The following BRIP1 variants were observed in gnomAD, a reference collection of about 807,000 sequenced individuals.
The protein encoded by BRIP1 is BRCA1 interacting DNA helicase 1, also known as Fanconi anemia group J protein.
Under a neutral mutation model 119.7 loss-of-function variants are expected in BRIP1, and 88 were observed. That is an observed-to-expected ratio of 0.74 (90% CI 0.62 to 0.88). BRIP1 has a LOEUF of 0.88. Among genes scored for constraint, BRIP1 ranks in the 40% least tolerant of loss-of-function variants. BRIP1 has a pLI of 0.00. For synonymous variants in BRIP1, 443 were observed against 496.5 expected, an observed-to-expected ratio of 0.89 and a Z score of 1.43; for missense variants, 1,259 against 1,455.4, an observed-to-expected ratio of 0.87 and a Z score of 2.20.
In BRIP1 at chr17:61,845,537, C is replaced by T. The variant is rs2145727590; in HGVS notation, c.627+1564G>A. 6.6e-6 allele frequency among the ~76,000 whole-genome samples: 1 copy of T among 152,300 alleles called. No individual in the cohort carries two copies. Among genetic ancestry groups the T allele is most frequent in the Admixed American group, 6.5e-5 (1 of 15,302 alleles). ...AGAAAAGTCTGTAGTTATCACAAAG[C>T]TGCCAAGCTCAGAGTATATACAAAT... On this transcript the variant is annotated intron_variant, in intron 6 of 19. Transcript: ENST00000259008. This position sits in a 1 kb window ranked among gnomAD's most constrained non-coding sequence, Gnocchi z 4.2.
At position 61,743,207 on chromosome 17, in the gene BRIP1, T is replaced by C. The variant is rs2144682727; in HGVS notation, c.2258-73A>G. The stretch of plus-strand genomic sequence containing the variant: ...TTCTTGTCATTTTGAAAATACCTGA[T>C]TTATAATTATAGTAATTACAGTAGC... On this transcript the variant is annotated intron_variant, in intron 15 of 19. Transcript: ENST00000259008. This position sits in a 1 kb window ranked among gnomAD's most constrained non-coding sequence, Gnocchi z 4.3. The C allele has an allele frequency of 6.6e-7, 1 of 1,514,012 alleles. No homozygotes were observed. Among genetic ancestry groups the C allele is most frequent in the Non-Finnish European group, 9.1e-7 (1 of 1,094,388 alleles). The allele number at this position is 1,514,012 out of a possible 1,614,324, so 93.8% of individuals were successfully genotyped here.
rs2076918858 is a variant in BRIP1 at position 61,736,370 on chromosome 17, G to A, written c.2379+6643C>T. Among the ~76,000 whole-genome samples, 1 of 151,732 alleles carries A rather than the reference G, an allele frequency of 6.6e-6. No homozygotes were observed. The highest frequency in any genetic ancestry group is 2.1e-4 in the South Asian group (1 of 4,788). ...ATTTAAATAAATAAATAATAAAAGA[G>A]GGATAGCTAATATAGTCAATATAAG... On this transcript the variant is annotated intron_variant, in intron 16 of 19. Coordinates refer to ENST00000259008, the MANE Select transcript of BRIP1 (RefSeq NM_032043.3). The surrounding 1 kb of genome is among the most constrained non-coding windows in gnomAD (Gnocchi z 4.4).
In BRIP1 at chr17:61,695,078, C is replaced by G. The variant is rs138519025; in HGVS notation, c.2493-1566G>C. On this transcript the variant is annotated intron_variant, in intron 17 of 19. Coordinates refer to ENST00000259008, the MANE Select transcript of BRIP1 (RefSeq NM_032043.3). The surrounding 1 kb of genome is among the most constrained non-coding windows in gnomAD (Gnocchi z 4.3). ...GTTGCTTGTGCTTCTGATAGCAGATCTAAGAAACTATTGCCTAATACAAGG... is the reference window on the plus strand; with the variant it reads ...GTTGCTTGTGCTTCTGATAGCAGATGTAAGAAACTATTGCCTAATACAAGG... Among the ~76,000 whole-genome samples the G allele has an allele frequency of 2.2e-3, 329 of 152,132 alleles. 1 individual carries two copies. Among genetic ancestry groups the G allele is most frequent in the African/African-American group, 7.3e-3 (303 of 41,542 alleles).
Position 61,780,929 on chromosome 17 carries a change from CATT to C in BRIP1, c.1702_1704del (p.Asn568del), listed in dbSNP as rs1555602554. 1 of 1,614,034 alleles carries C rather than the reference CATT, an allele frequency of 6.2e-7. No homozygotes were observed. Among genetic ancestry groups the C allele is most frequent in the Non-Finnish European group, 8.5e-7 (1 of 1,179,956 alleles). On this transcript the variant is annotated inframe_deletion, in exon 12 of 20. Transcript: ENST00000259008. The surrounding 1 kb of genome is among the most constrained non-coding windows in gnomAD (Gnocchi z 5.4). ...TTATTTTTTGGTAGAACCAACAACC[CATT>C]TTTGTCTGAAATATCAATCTGATTT...
rs1302459124 is a variant in BRIP1, at chr17:61,704,170, G to T, written c.2493-10658C>A. Among the ~76,000 whole-genome samples, 2 of 151,982 alleles carry T rather than the reference G, an allele frequency of 1.3e-5. No individual in the cohort carries two copies. Among genetic ancestry groups the T allele is most frequent in the African/African-American group, 2.4e-5 (1 of 41,388 alleles). ...CCCATTGTTTATTTTTGCTAATTTT[G>T]TCAAAGATCAGATGGTTGTAGGTGT... On this transcript the variant is annotated intron_variant, in intron 17 of 19. Coordinates refer to ENST00000259008, the MANE Select transcript of BRIP1 (RefSeq NM_032043.3). This position sits in a 1 kb window ranked among gnomAD's most constrained non-coding sequence, Gnocchi z 5.7.
At chr17:61,692,709 G>T (rs1446257070) in intron 18 of BRIP1, among the ~76,000 whole-genome samples, 2 of 152,050 alleles carry the variant, frequency 1.3e-5, no homozygotes, top group Non-Finnish European at 2.9e-5. Flanking sequence ...AAAAGAAAAA[G>T]AAGAAAAAAG....
rs758710086 is a variant in BRIP1 at position 61,808,807 on chromosome 17, AC to A, written c.628-51del. On this transcript the variant is annotated intron_variant, in intron 6 of 19. Transcript: ENST00000259008. This position sits in a 1 kb window ranked among gnomAD's most constrained non-coding sequence, Gnocchi z 4.1. ...ACTAATATCTAAACTACCATAAAAA[AC>A]GTTATCAAACCTCACATGGAATCAG... The A allele has an allele frequency of 7.7e-6, 12 of 1,553,864 alleles. No individual in the cohort carries two copies. In the Admixed American group the frequency reaches 1.5e-4, roughly 20 times the overall value.
At chr17:61,694,180 AT>A (rs1374811511) in intron 17 of BRIP1, among the ~76,000 whole-genome samples, 1 of 152,154 alleles carries the variant, frequency 6.6e-6, no homozygotes, top group African/African-American at 2.4e-5. Flanking sequence ...TATACCACTT[AT>A]CTATCCCAGA....
Position 61,700,410 on chromosome 17 carries a change from G to A in BRIP1, c.2493-6898C>T. Reference sequence around the variant, plus strand: ...CTACAGAGTAATTCTCTTGGTTTTTGTTTATTTGGGAATGTCTTAATTTTT... The same window carrying A: ...CTACAGAGTAATTCTCTTGGTTTTTATTTATTTGGGAATGTCTTAATTTTT... On this transcript the variant is annotated intron_variant, in intron 17 of 19. Coordinates refer to ENST00000259008, the MANE Select transcript of BRIP1 (RefSeq NM_032043.3). The surrounding 1 kb of genome is among the most constrained non-coding windows in gnomAD (Gnocchi z 4.1). Among the ~76,000 whole-genome samples, 1 of 152,020 alleles carries A rather than the reference G, an allele frequency of 6.6e-6. No homozygotes were observed. Among genetic ancestry groups the A allele is most frequent in the East Asian group, 1.9e-4 (1 of 5,182 alleles).
chr17:61,841,582 CAT>C lies in BRIP1; in HGVS notation c.627+5517_627+5518del, dbSNP rs1392858566. The stretch of plus-strand genomic sequence containing the variant: ...TTAGTGACGATGTGGAGAAGAAACT[CAT>C]ATACTATTAGTGGAAATGTAAATTA... On this transcript the variant is annotated intron_variant, in intron 6 of 19. Transcript: ENST00000259008. This position sits in a 1 kb window ranked among gnomAD's most constrained non-coding sequence, Gnocchi z 4.1. 6.6e-6 allele frequency among the ~76,000 whole-genome samples: 1 copy of C among 152,068 alleles called. No homozygotes were observed. Among genetic ancestry groups the C allele is most frequent in the Non-Finnish European group, 1.5e-5 (1 of 68,008 alleles).
rs34241703 is a variant in BRIP1 at position 61,759,888 on chromosome 17, G to GA, written c.2098-15298dup. Among the ~76,000 whole-genome samples the GA allele has an allele frequency of 8.2e-3, 1,148 of 139,310 alleles. 11 individuals carry two copies. Among genetic ancestry groups the GA allele is most frequent in the African/African-American group, 0.025 (924 of 37,284 alleles). The allele number at this position is 139,310 out of a possible 152,430, so 91.4% of individuals were successfully genotyped here. A position where few individuals can be genotyped will look rare whatever the true frequency, so the allele number is the denominator to read the frequency against. On this transcript the variant is annotated intron_variant, in intron 14 of 19. Transcript: ENST00000259008. This position sits in a 1 kb window ranked among gnomAD's most constrained non-coding sequence, Gnocchi z 4.9. ...GGGTTGCCACAAACCTTTAATTTAT[G>GA]AAAAAAAAAAAACCCAGAATATTTG...
chr17:61,862,088 A>T lies in BRIP1; in HGVS notation c.-30-519T>A, dbSNP rs1298328785. The T allele has an allele frequency of 6.2e-6, 1 of 161,492 alleles. No homozygotes were observed. The highest frequency in any genetic ancestry group is 2.4e-5 in the African/African-American group (1 of 41,490). The allele number at this position is 161,492 out of a possible 1,614,324, so 10.0% of individuals were successfully genotyped here. ...TAGAAGAAAAAAGCTGTTGACCAGA[A>T]GTCAGGAAGCATAGGTTCTATACCA... On this transcript the variant is annotated intron_variant, in intron 1 of 19. Transcript: ENST00000259008. The surrounding 1 kb of genome is among the most constrained non-coding windows in gnomAD (Gnocchi z 5.3).
In BRIP1 at chr17:61,774,828, G is replaced by T. The variant is rs780047258; in HGVS notation, c.2097+1573C>A. Reference sequence around the variant, plus strand: ...AGTTATTTCAATGTTATAGTCTCTAGTCACCCAATTATAAATGTCTGTAAC... The same window carrying T: ...AGTTATTTCAATGTTATAGTCTCTATTCACCCAATTATAAATGTCTGTAAC... On this transcript the variant is annotated intron_variant, in intron 14 of 19. Transcript: ENST00000259008. This position sits in a 1 kb window ranked among gnomAD's most constrained non-coding sequence, Gnocchi z 5.8. Among the ~76,000 whole-genome samples, 15 of 152,096 alleles carry T rather than the reference G, an allele frequency of 9.9e-5. No homozygotes were observed. Among genetic ancestry groups the T allele is most frequent in the Admixed American group, 2.6e-4 (4 of 15,274 alleles).
At chr17:61,727,833 A>AT (rs1348299916) in intron 16 of BRIP1, among the ~76,000 whole-genome samples, 1,754 of 139,644 alleles carry the variant, frequency 0.013, 13 homozygotes, top group South Asian at 0.026. Flanking sequence ...CAAAGGTTTG[A>AT]TTTTTTTTTT....
At chr17:61,787,468 AAAT>A (rs1305901152) in intron 10 of BRIP1, among the ~76,000 whole-genome samples, 1 of 136,362 alleles carries the variant, frequency 7.3e-6, no homozygotes, top group Non-Finnish European at 1.6e-5. Context: ...TATAATATAA[AAAT>A]AACCCACAGA....
intron 10 of BRIP1, among the ~76,000 whole-genome samples, chr17:61,787,722 G>A (rs2077753081): frequency 2.0e-5 from 3 of 151,980 alleles, no homozygotes; most frequent in Admixed American, 2.0e-4. Context: ...TCGGCTCACT[G>A]CAAGCTCCGC....
intron 11 of BRIP1, 137 bp downstream of exon 11, chr17:61,784,133 A>G (rs2077664496): frequency 1.3e-6 from 1 of 753,854 alleles, no homozygotes; most frequent in Non-Finnish European, 2.1e-6. Flanking sequence ...AATAAGAGCA[A>G]ATATATAATA....
intron 4 of BRIP1, 58 bp from the exon 5 acceptor site, chr17:61,849,314 T>TAGA: frequency 1.3e-6 from 2 of 1,490,016 alleles, no homozygotes; most frequent in Non-Finnish European, 1.8e-6. Flanking sequence ...GCAATTTTTC[T>TAGA]AGAAGAAAAC....
At chr17:61,773,274 A>C (rs2077485859) in intron 14 of BRIP1, among the ~76,000 whole-genome samples, 1 of 152,074 alleles carries the variant, frequency 6.6e-6, no homozygotes, top group African/African-American at 2.4e-5. Flanking sequence ...AAAACCTGAC[A>C]AAACCTGACA....
Sources: allele counts gnomAD v4.1 joint callset (sites outside exome capture counted in the v4.1 genomes callset), GRCh38; gene constraint gnomAD v4.1.1; non-coding constraint Gnocchi (gnomAD v3.1); transcripts MANE v1.5; gene names NCBI Gene and HGNC (gene_info 2026-07-23, HGNC 2026-07-21).